LRCH3: variants seen among roughly 807,000 people sequenced by gnomAD.
LRCH3 encodes DISP complex protein LRCH3.
LRCH3 carries 68 observed loss-of-function variants against 104.5 expected under a neutral mutation model. The ratio of observed to expected loss-of-function variants is 0.65; its 90% CI spans 0.54 to 0.80. LRCH3 has a LOEUF of 0.80. Among genes scored for constraint, LRCH3 ranks in the 30% least tolerant of loss-of-function variants. The pLI is 0.00. For synonymous variants in LRCH3, 344 were observed against 361.3 expected (o/e 0.95, Z 0.54); for missense variants, 951 against 953.9 (o/e 1.00, Z 0.04).
At position 197,791,520 on chromosome 3, in the gene LRCH3, TG is replaced by T. The variant is rs1417965412; in HGVS notation, c.243del (p.Thr82ArgfsTer18). 6.3e-7 allele frequency: 1 copy of T among 1,594,094 alleles called. No individual in the cohort carries two copies. The highest frequency in any genetic ancestry group is 8.5e-7 in the Non-Finnish European group (1 of 1,172,850). On this transcript the variant is annotated frameshift_variant, in exon 1 of 21. Coordinates refer to ENST00000425562, the MANE Select transcript of LRCH3 (RefSeq NM_001365715.1). LOFTEE classifies it high-confidence loss of function. ...CCCCGGGGAGCGGCCAACCACGACC[TG>T]ACGGACACCACCCGGGCGGGTGAGC... ...EFPRGAANHD[L>X]TDTTRADLSR...
intron 12 of LRCH3, among the ~76,000 whole-genome samples, chr3:197,851,557 GA>G (rs1739598644): frequency 2.6e-5 from 4 of 152,320 alleles, no homozygotes; most frequent in African/African-American, 9.6e-5. Flanking sequence ...CTCTGCATTT[GA>G]ATCCAGCTTT....
intron 10 of LRCH3, among the ~76,000 whole-genome samples, chr3:197,839,632 G>A (rs142315146): frequency 2.0e-4 from 31 of 152,284 alleles, no homozygotes; most frequent in African/African-American, 7.5e-4. Context: ...AAGATACTTA[G>A]TAGCAATGAG....
At chr3:197,791,649 C>T (rs1730526764) in intron 1 of LRCH3, 109 bp downstream of exon 1, 3 of 1,270,042 alleles carry the variant, frequency 2.4e-6, no homozygotes, top group East Asian at 6.0e-5. Context: ...CCGTAGGCGC[C>T]GGGTCCGGAC....
Position 197,881,418 on chromosome 3 carries a change from C to T in LRCH3, c.2209-2123C>T, listed in dbSNP as rs201411326. 1.0e-5 allele frequency: 10 copies of T among 985,456 alleles called. No homozygotes were observed. In the East Asian group the frequency reaches 6.8e-4, roughly 67 times the overall value. The allele number at this position is 985,456 out of a possible 1,614,324, so 61.0% of individuals were successfully genotyped here. ...ATACGCTGTATGTGCTGCACACGAG[C>T]AGATGGGCTGGAGCTGGCCTCTCAG... On this transcript the variant is annotated intron_variant, in intron 20 of 20. Transcript: ENST00000425562.
Position 197,792,606 on chromosome 3 carries a change from A to ATATATATATAT in LRCH3, c.262+1066_262+1067insTATATATATAT, listed in dbSNP as rs1233845852. On this transcript the variant is annotated intron_variant, in intron 1 of 20. Coordinates refer to ENST00000425562, the MANE Select transcript of LRCH3 (RefSeq NM_001365715.1). ...ATATATATATATATATATATATATA[A>ATATATATATAT]AATATACATATATATATAATATACA... Among the ~76,000 whole-genome samples, 16 of 37,984 alleles carry ATATATATATAT rather than the reference A, an allele frequency of 4.2e-4. 1 individual carries two copies. The highest frequency in any genetic ancestry group is 7.9e-4 in the Non-Finnish European group (12 of 15,160). The allele number at this position is 37,984 out of a possible 152,430, so 24.9% of individuals were successfully genotyped here.
At chr3:197,808,047 G>A (rs1043754656) in intron 1 of LRCH3, among the ~76,000 whole-genome samples, 1 of 151,986 alleles carries the variant, frequency 6.6e-6, no homozygotes, top group African/African-American at 2.4e-5. Flanking sequence ...AATTTTGTCC[G>A]TCACCCACAA....
intron 1 of LRCH3, among the ~76,000 whole-genome samples, chr3:197,804,656 T>TA (rs1460681903): frequency 2.6e-5 from 4 of 152,194 alleles, no homozygotes; most frequent in African/African-American, 9.6e-5. Context: ...AAAAGACTGT[T>TA]ACTTGCTCAG....
chr3:197,827,012 C>T lies in LRCH3; in HGVS notation c.775C>T (p.Gln259Ter). 6.2e-7 allele frequency: 1 copy of T among 1,613,284 alleles called. No homozygotes were observed. The highest frequency in any genetic ancestry group is 8.5e-7 in the Non-Finnish European group (1 of 1,179,774). Residue 259 changes from glutamine to a stop codon, truncating the protein, a stop_gained and splice_region_variant, in exon 5 of 21, where the codon CAG (glutamine) becomes TAG (stop). Transcript: ENST00000425562. LOFTEE classifies it high-confidence loss of function. Reference protein sequence around the residue: ...DNNPLQSPPAQICIKGKVHIF... With the variant: ...DNNPLQSPPA ...CAATCCACTACAATCACCTCCTGCA[C>T]AGGTAAACCATAGTGGAAGCATCAG... is the stretch of plus-strand genomic sequence containing the variant.
intron 4 of LRCH3, 148 bp downstream of exon 4, chr3:197,820,578 A>T: frequency 1.7e-6 from 1 of 600,810 alleles, no homozygotes; most frequent in Non-Finnish European, 2.9e-6. Context: ...TGGGAGGCCG[A>T]TGAGGGAGGA....
At chr3:197,849,571 T>C (rs1739283086) in intron 12 of LRCH3, among the ~76,000 whole-genome samples, 1 of 152,184 alleles carries the variant, frequency 6.6e-6, no homozygotes, top group African/African-American at 2.4e-5. Flanking sequence ...AAGTCCCTGC[T>C]TGATTTGTTA....
intron 20 of LRCH3, chr3:197,882,049 G>A: frequency 1.0e-6 from 1 of 985,454 alleles, no homozygotes; most frequent in Non-Finnish European, 1.2e-6. Flanking sequence ...ATGTCTCAGA[G>A]TTGAAACACC....
intron 1 of LRCH3, among the ~76,000 whole-genome samples, chr3:197,813,985 A>G (rs948855991): frequency 1.2e-4 from 19 of 152,202 alleles, no homozygotes; most frequent in Non-Finnish European, 1.5e-5. Context: ...GCTCCCATCC[A>G]TCTATTGTTT....
Position 197,883,177 on chromosome 3 carries a change from C to G in LRCH3, c.2209-364C>G. 1 of 993,276 alleles carries G rather than the reference C, an allele frequency of 1.0e-6. No individual in the cohort carries two copies. Among genetic ancestry groups the G allele is most frequent in the Non-Finnish European group, 1.2e-6 (1 of 835,232 alleles). 61.5% of individuals were successfully genotyped at this position (993,276 alleles called of 1,614,324 possible). ...CATCTGGTAGCGTGGAATTGTTTTT[C>G]TATTTTTCACCTGCCTATTTTATAG... On this transcript the variant is annotated intron_variant, in intron 20 of 20. Transcript: ENST00000425562. The surrounding 1 kb of genome is among the most constrained non-coding windows in gnomAD (Gnocchi z 4.2).
intron 11 of LRCH3, 23 bp downstream of exon 11, chr3:197,847,483 AT>A: frequency 6.4e-7 from 1 of 1,565,540 alleles, no homozygotes; most frequent in Non-Finnish European, 8.6e-7. Context: ...AGTTGTGTTT[AT>A]TTTTGCTTTT....
intron 2 of LRCH3, among the ~76,000 whole-genome samples, chr3:197,816,029 A>C (rs1435621490): frequency 1.3e-5 from 2 of 151,956 alleles, no homozygotes; most frequent in African/African-American, 4.8e-5. Context: ...TTCCTCTGGG[A>C]TCTTAGTTTC....
At position 197,885,034 on chromosome 3, in the gene LRCH3, G is replaced by A. The variant is rs1450331279; in HGVS notation, c.*1368G>A. 6.6e-6 allele frequency: 1 copy of A among 152,162 alleles called. No individual in the cohort carries two copies. Among genetic ancestry groups the A allele is most frequent in the Non-Finnish European group, 1.5e-5 (1 of 68,044 alleles). The allele number at this position is 152,162 out of a possible 1,614,324, so 9.4% of individuals were successfully genotyped here. A position where few individuals can be genotyped will look rare whatever the true frequency, so the allele number is the denominator to read the frequency against. Reference sequence around the variant, plus strand: ...TAGTTCTATGTCATCCTGTTATCTGGACATTATAATAAACAACAAGCCCTC... The same window carrying A: ...TAGTTCTATGTCATCCTGTTATCTGAACATTATAATAAACAACAAGCCCTC... On this transcript the variant is annotated 3_prime_UTR_variant, in exon 21 of 21. Coordinates refer to ENST00000425562, the MANE Select transcript of LRCH3 (RefSeq NM_001365715.1).
chr3:197,843,021 G>T lies in LRCH3; in HGVS notation c.1328+3624G>T, dbSNP rs180928797. Among the ~76,000 whole-genome samples, 274 of 151,276 alleles carry T rather than the reference G, an allele frequency of 1.8e-3. 1 individual carries two copies. The highest frequency in any genetic ancestry group is 3.2e-3 in the Non-Finnish European group (215 of 67,916). On this transcript the variant is annotated intron_variant, in intron 10 of 20. Coordinates refer to ENST00000425562, the MANE Select transcript of LRCH3 (RefSeq NM_001365715.1). ...AATCGCTTGAACCCTGGAGGTGGAG[G>T]TTGCAGTGAGCCGAGATTGCACCAC...
intron 8 of LRCH3, among the ~76,000 whole-genome samples, chr3:197,833,141 GTTTA>G (rs1443118534): frequency 6.6e-6 from 1 of 151,958 alleles, no homozygotes; most frequent in African/African-American, 2.4e-5. Context: ...TTCTCCATCA[GTTTA>G]TTTAAGACTT....
chr3:197,794,217 C>T (rs1038847616), intron 1 of LRCH3, among the ~76,000 whole-genome samples: 3 of 152,020 alleles, frequency 2.0e-5, no homozygotes, highest in East Asian at 1.9e-4. Context: ...GGATTTTGGC[C>T]CAGGTTCATC....
Sources: allele counts gnomAD v4.1 joint callset (sites outside exome capture counted in the v4.1 genomes callset), GRCh38; gene constraint gnomAD v4.1.1; non-coding constraint Gnocchi (gnomAD v3.1); transcripts MANE v1.5; gene names NCBI Gene and HGNC (gene_info 2026-07-23, HGNC 2026-07-21).